COMMD1: variants seen among roughly 807,000 people sequenced by gnomAD.
The protein encoded by COMMD1 is copper metabolism domain containing 1.
A neutral mutation model predicts 17.2 loss-of-function variants in COMMD1; 10 were observed. That is an observed-to-expected ratio of 0.58 (90% CI 0.36 to 0.99). The LOEUF (loss-of-function observed/expected upper bound fraction) is 0.99. Among genes scored for constraint, COMMD1 ranks in the 50% least tolerant of loss-of-function variants. The pLI is 0.01. For synonymous variants in COMMD1, 97 were observed against 91.6 expected (o/e 1.06, Z -0.34); for missense variants, 270 against 231.8 (o/e 1.17, Z -1.07).
At chr2:61,943,586 A>G (rs1456921058) in intron 1 of COMMD1, among the ~76,000 whole-genome samples, 3 of 152,100 alleles carry the variant, frequency 2.0e-5, no homozygotes, top group Non-Finnish European at 4.4e-5. Context: ...TGTAATCTCA[A>G]CACTTTGGGA....
At chr2:61,912,784 C>T (rs1172654497) in intron 1 of COMMD1, among the ~76,000 whole-genome samples, 2 of 151,314 alleles carry the variant, frequency 1.3e-5, no homozygotes, top group Non-Finnish European at 2.9e-5. Context: ...TGCTCATTTA[C>T]TTATATCTTG....
intron 1 of COMMD1, among the ~76,000 whole-genome samples, chr2:61,951,120 T>C (rs1289235162): frequency 6.6e-6 from 1 of 152,142 alleles, no homozygotes; most frequent in Non-Finnish European, 1.5e-5. Flanking sequence ...AGAGGGTTAA[T>C]GACAGCTGGG....
intron 2 of COMMD1, among the ~76,000 whole-genome samples, chr2:62,021,350 C>T (rs796988160): frequency 2.7e-5 from 4 of 150,470 alleles, no homozygotes; most frequent in African/African-American, 9.8e-5. Flanking sequence ...GTGGTGTAGA[C>T]TTGGCAAAAT....
intron 1 of COMMD1, among the ~76,000 whole-genome samples, chr2:61,936,845 A>G (rs187419894): frequency 1.9e-4 from 29 of 152,360 alleles, no homozygotes; most frequent in African/African-American, 6.5e-4. Flanking sequence ...GCCAAGGTTA[A>G]GGACCTGCCC....
chr2:62,092,428 A>C (rs1178874486), intron 2 of COMMD1, among the ~76,000 whole-genome samples: 1 of 152,178 alleles, frequency 6.6e-6, no homozygotes, highest in Admixed American at 6.5e-5. Context: ...ATTTGCAGGC[A>C]GGTGTCAGAG....
chr2:61,938,709 A>G (rs1670663200), intron 1 of COMMD1, among the ~76,000 whole-genome samples: 1 of 152,110 alleles, frequency 6.6e-6, no homozygotes, highest in Non-Finnish European at 1.5e-5. Flanking sequence ...ACTCCTACGG[A>G]TTTGCTGCCA....
At chr2:62,011,653 G>A (rs1236833673) in intron 2 of COMMD1, among the ~76,000 whole-genome samples, 1 of 152,164 alleles carries the variant, frequency 6.6e-6, no homozygotes, top group African/African-American at 2.4e-5. Context: ...GGATGTATCA[G>A]TGAACAATAC....
chr2:62,109,381 C>T (rs935069847), intron 2 of COMMD1, among the ~76,000 whole-genome samples: 1 of 152,154 alleles, frequency 6.6e-6, no homozygotes, highest in African/African-American at 2.4e-5. Context: ...AGCAGGAACT[C>T]ATTTTGGTCT....
At chr2:62,095,807 C>CATATATATATATATATATAT (rs143205759) in intron 2 of COMMD1, among the ~76,000 whole-genome samples, 1,850 of 67,852 alleles carry the variant, frequency 0.027, 386 homozygotes, top group African/African-American at 0.14. Context: ...TCACAGCATG[C>CATATATATATATATATATAT]ATATATATAT....
rs115084311 is a variant in COMMD1, at chr2:62,038,369, T to C, written c.462+37387T>C. On this transcript the variant is annotated intron_variant, in intron 2 of 2. Coordinates refer to ENST00000311832, the MANE Select transcript of COMMD1 (RefSeq NM_152516.4). ...CAAAATGTATTAAGTAATGAAGATA[T>C]TGTTAATAATAGCAGCAATACTCCA... Among the ~76,000 whole-genome samples the C allele has an allele frequency of 3.8e-3, 573 of 152,240 alleles. 6 individuals carry two copies. The highest frequency in any genetic ancestry group is 0.013 in the African/African-American group (524 of 41,560).
Position 62,000,839 on chromosome 2 carries a change from G to T in COMMD1, c.319G>T (p.Glu107Ter), listed in dbSNP as rs1181575441. The T allele has an allele frequency of 1.1e-5, 18 of 1,614,138 alleles. No homozygotes were observed. The highest frequency in any genetic ancestry group is 1.4e-5 in the Non-Finnish European group (16 of 1,180,024). ...GAAGAGCCACAAGACAAAAATCCGT[G>T]AGAGCCTCATGAACCAGAGCCGCTG... ...FWKSHKTKIR[E>*]SLMNQSRWNS... Residue 107 changes from glutamate (E) to a stop codon, truncating the protein, a stop_gained, in exon 2 of 3, where the codon GAG (glutamate) becomes TAG (stop). Transcript: ENST00000311832. LOFTEE classifies it high-confidence loss of function.
At chr2:61,983,850 A>G (rs1672025389) in intron 1 of COMMD1, among the ~76,000 whole-genome samples, 1 of 151,916 alleles carries the variant, frequency 6.6e-6, no homozygotes, top group African/African-American at 2.4e-5. Context: ...TCTGATCTTT[A>G]TTATTTCTTT....
At chr2:62,027,725 G>A (rs1045537450) in intron 2 of COMMD1, among the ~76,000 whole-genome samples, 1 of 152,122 alleles carries the variant, frequency 6.6e-6, no homozygotes, top group African/African-American at 2.4e-5. Flanking sequence ...CCAGGCTGGA[G>A]TACAGTGGTA....
intron 2 of COMMD1, among the ~76,000 whole-genome samples, chr2:62,035,755 A>G (rs1670020850): frequency 6.7e-6 from 1 of 148,866 alleles, no homozygotes; most frequent in Non-Finnish European, 1.5e-5. Context: ...AAAAAAAAAA[A>G]AAAAAAAAAA....
chr2:62,085,746 G>A (rs1442431184), intron 2 of COMMD1, among the ~76,000 whole-genome samples: 5 of 151,508 alleles, frequency 3.3e-5, no homozygotes, highest in South Asian at 2.1e-4. Context: ...TTGGGAGGCC[G>A]AGGCGGGCAG....
At chr2:62,126,033 T>A (rs752686605) in intron 2 of COMMD1, among the ~76,000 whole-genome samples, 7 of 152,226 alleles carry the variant, frequency 4.6e-5, no homozygotes, top group Non-Finnish European at 1.0e-4. Flanking sequence ...TGGTTTTCTG[T>A]TCCTGCATTA....
At chr2:62,089,504 G>C (rs540367902) in intron 2 of COMMD1, among the ~76,000 whole-genome samples, 20 of 152,006 alleles carry the variant, frequency 1.3e-4, no homozygotes, top group Non-Finnish European at 2.5e-4. Context: ...GGCTGGTCTC[G>C]AACTTCTGAC....
At chr2:61,931,082 C>T (rs1460937662) in intron 1 of COMMD1, among the ~76,000 whole-genome samples, 1 of 151,942 alleles carries the variant, frequency 6.6e-6, no homozygotes, top group Non-Finnish European at 1.5e-5. Flanking sequence ...GAGGCTGATG[C>T]AGGAGGATCA....
chr2:61,932,912 A>G (rs1450113774), intron 1 of COMMD1, among the ~76,000 whole-genome samples: 1 of 152,182 alleles, frequency 6.6e-6, no homozygotes, highest in African/African-American at 2.4e-5. Context: ...ACCAAGTGCC[A>G]ACCAGCTCAG....
Sources: allele counts gnomAD v4.1 joint callset (sites outside exome capture counted in the v4.1 genomes callset), GRCh38; gene constraint gnomAD v4.1.1; transcripts MANE v1.5; gene names NCBI Gene and HGNC (gene_info 2026-07-23, HGNC 2026-07-21).